GFRA2: variants seen among roughly 807,000 people sequenced by gnomAD.
GFRA2 encodes GDNF family receptor alpha-2.
Under a neutral mutation model 48.3 loss-of-function variants are expected in GFRA2, and 17 were observed. That is an observed-to-expected ratio of 0.35 (90% CI 0.24 to 0.53). The LOEUF (loss-of-function observed/expected upper bound fraction) is 0.53, where lower values mean the gene tolerates loss of function less well. GFRA2 is among the 20% of genes least tolerant of loss of function. The pLI, the probability that GFRA2 is intolerant of heterozygous loss-of-function variation, is 0.93. For synonymous variants in GFRA2, 305 were observed against 257.2 expected (o/e 1.19, Z -1.78); for missense variants, 660 against 637.3 (o/e 1.04, Z -0.38).
In GFRA2 at chr8:21,694,054, T is replaced by TA. The variant is rs1491316894; in HGVS notation, c.1272+409_1272+410insT. 1.6e-4 allele frequency among the ~76,000 whole-genome samples: 20 copies of TA among 126,908 alleles called. 1 individual carries two copies. Among genetic ancestry groups the TA allele is most frequent in the Non-Finnish European group, 2.4e-4 (15 of 61,958 alleles). The allele number at this position is 126,908 out of a possible 152,430, so 83.3% of individuals were successfully genotyped here. A position where few individuals can be genotyped will look rare whatever the true frequency, so the allele number is the denominator to read the frequency against. Reference sequence around the variant, plus strand: ...GTCATATATATGAGATATATATATATTTATATATATATTTATTTATTTTTA... The same window carrying TA: ...GTCATATATATGAGATATATATATATATTATATATATATTTATTTATTTTTA... On this transcript the variant is annotated intron_variant, in intron 8 of 8. Transcript: ENST00000524240.
Position 21,782,967 on chromosome 8 carries a change from C to G in GFRA2, c.41-68G>C, listed in dbSNP as rs916831790. The G allele has an allele frequency of 4.9e-6, 7 of 1,437,580 alleles. No homozygotes were observed. The South Asian group carries it at 8.5e-5, about 18-fold the overall frequency. The allele number at this position is 1,437,580 out of a possible 1,614,324, so 89.1% of individuals were successfully genotyped here. On this transcript the variant is annotated intron_variant, in intron 1 of 8. Transcript: ENST00000524240. ...ACAATCTCCCACCCAAGATGCAGGC[C>G]TGGGGGCTTGGGCCCTGCTGGGAAC...
chr8:21,782,500 C>A (rs1376127657), intron 2 of GFRA2, 85 bp downstream of exon 2: 3 of 1,039,740 alleles, frequency 2.9e-6, no homozygotes, highest in Non-Finnish European at 4.2e-6. Context: ...CCACCTAGTC[C>A]TCCCTCCTGA....
chr8:21,806,775 T>C (rs1188570353), intron 1 of GFRA2, among the ~76,000 whole-genome samples: 1 of 152,206 alleles, frequency 6.6e-6, no homozygotes, highest in Non-Finnish European at 1.5e-5. Flanking sequence ...CCTAAATGTA[T>C]TTTTGATTTA....
intron 4 of GFRA2, among the ~76,000 whole-genome samples, chr8:21,719,440 C>G (rs747483235): frequency 6.8e-6 from 1 of 146,312 alleles, no homozygotes; most frequent in Non-Finnish European, 1.5e-5. Context: ...TCTTATTACT[C>G]GGCAAGAGGA....
rs192647363 is a variant in GFRA2 at position 21,738,370 on chromosome 8, C to T, written c.794+12218G>A. 1.0e-3 allele frequency among the ~76,000 whole-genome samples: 156 copies of T among 151,558 alleles called. 2 individuals are homozygous for T. Among genetic ancestry groups the T allele is most frequent in the African/African-American group, 3.7e-3 (154 of 41,230 alleles). ...GCTGACCTCTGAAGGTCTCTGAGCA[C>T]GTACCGTCTGCCCTCTGCCCTCTGC... On this transcript the variant is annotated intron_variant, in intron 4 of 8. Transcript: ENST00000524240.
chr8:21,712,494 G>C (rs1175747536), intron 4 of GFRA2, among the ~76,000 whole-genome samples: 11 of 149,950 alleles, frequency 7.3e-5, no homozygotes, highest in Non-Finnish European at 1.0e-4. Flanking sequence ...GGGATGGCGG[G>C]CGGGCAGAGA....
intron 3 of GFRA2, among the ~76,000 whole-genome samples, chr8:21,756,649 G>A (rs892105625): frequency 1.3e-4 from 20 of 152,182 alleles, no homozygotes; most frequent in Non-Finnish European, 2.9e-5. Flanking sequence ...AGAAGAAGGT[G>A]GGGGATTCTA....
At chr8:21,747,673 T>C (rs1805072724) in intron 4 of GFRA2, among the ~76,000 whole-genome samples, 1 of 151,580 alleles carries the variant, frequency 6.6e-6, no homozygotes, top group South Asian at 2.1e-4. Flanking sequence ...CTGGCCCTGG[T>C]TCCTTCTGAA....
At chr8:21,799,844 C>T (rs1455131211) in intron 2 of GFRA2, among the ~76,000 whole-genome samples, 9 of 152,168 alleles carry the variant, frequency 5.9e-5, no homozygotes, top group Non-Finnish European at 1.3e-4. Flanking sequence ...AGCCTGTGTC[C>T]TCTGCAGACA....
At chr8:21,763,514 G>A (rs1006236444) in intron 3 of GFRA2, among the ~76,000 whole-genome samples, 11 of 152,126 alleles carry the variant, frequency 7.2e-5, no homozygotes, top group South Asian at 4.2e-4. Context: ...AACAGGGGCG[G>A]TCTGTCTGCA....
At chr8:21,700,251 T>C (rs1338976649) in intron 7 of GFRA2, among the ~76,000 whole-genome samples, 1 of 82,920 alleles carries the variant, frequency 1.2e-5, no homozygotes, top group Middle Eastern at 6.8e-3. Flanking sequence ...GGTATATATT[T>C]AATATACCAG....
chr8:21,765,902 C>T (rs546468378), intron 3 of GFRA2, among the ~76,000 whole-genome samples: 2 of 152,196 alleles, frequency 1.3e-5, no homozygotes, highest in Non-Finnish European at 2.9e-5. Context: ...AAATATATTC[C>T]CAGCCCATGC....
chr8:21,721,219 T>C (rs1803577035), intron 4 of GFRA2, among the ~76,000 whole-genome samples: 1 of 152,208 alleles, frequency 6.6e-6, no homozygotes, highest in African/African-American at 2.4e-5. Context: ...AGCACCAAGA[T>C]AGTTCAGCTC....
At chr8:21,802,847 A>C (rs2117115750) in intron 2 of GFRA2, among the ~76,000 whole-genome samples, 2 of 152,318 alleles carry the variant, frequency 1.3e-5, no homozygotes, top group Middle Eastern at 6.8e-3. Context: ...AGGAAATAAC[A>C]CTTGCTAAGC....
chr8:21,783,201 G>A (rs1490171154), intron 1 of GFRA2: 7 of 548,988 alleles, frequency 1.3e-5, no homozygotes, highest in African/African-American at 9.4e-5. Flanking sequence ...AGTCTAAGAC[G>A]TCAGGAGCCC....
Position 21,782,879 on chromosome 8 carries a change from C to T in GFRA2, c.61G>A (p.Ala21Thr). ...GGGCCCTGCAGGGAGGAAGGGCTGG[C>T]CAAAGAGCGGAGGGTCTCGTCTGGG... ...FFLDETLRSL[A>T]SPSSLQGPEL... is the part of the protein sequence containing the mutation. Residue 21 changes from alanine to threonine, a missense_variant, in exon 2 of 9, where the codon GCC becomes ACC. Physicochemically the swap from Ala to Thr is moderately conservative, Grantham distance 58 (BLOSUM62 0). Transcript: ENST00000524240. The T allele has an allele frequency of 6.4e-7, 1 of 1,561,396 alleles. No homozygotes were observed. The highest frequency in any genetic ancestry group is 8.6e-7 in the Non-Finnish European group (1 of 1,160,842).
chr8:21,800,882 C>T (rs959181241), intron 2 of GFRA2, among the ~76,000 whole-genome samples: 3 of 150,604 alleles, frequency 2.0e-5, no homozygotes, highest in African/African-American at 7.3e-5. Context: ...GCTATGAGTG[C>T]ACCCCTGCAC....
At chr8:21,809,622 C>T (rs913059584) in intron 1 of GFRA2, among the ~76,000 whole-genome samples, 3 of 152,160 alleles carry the variant, frequency 2.0e-5, no homozygotes, top group Admixed American at 6.5e-5. Flanking sequence ...CCACCGCGCC[C>T]GGCCAACAAT....
In GFRA2 at chr8:21,782,864, G is replaced by A; in HGVS notation, c.76C>T (p.Leu26=). ...TLRSLASPSS[L]QGPELHGWRP... is the part of the protein sequence containing the mutation. Reference sequence around the variant, plus strand: ...CAGCCGTGGAGCTCGGGGCCCTGCAGGGAGGAAGGGCTGGCCAAAGAGCGG... The same window carrying A: ...CAGCCGTGGAGCTCGGGGCCCTGCAAGGAGGAAGGGCTGGCCAAAGAGCGG... The change falls in exon 2 of 9, where the codon CTG becomes TTG. Residue 26 remains leucine, a synonymous_variant. Coordinates refer to ENST00000524240, the MANE Select transcript of GFRA2 (RefSeq NM_001495.5). The A allele has an allele frequency of 1.9e-6, 3 of 1,567,140 alleles. No individual in the cohort carries two copies. The highest frequency in any genetic ancestry group is 2.6e-6 in the Non-Finnish European group (3 of 1,163,840).
Sources: gnomAD v4.1 joint callset for allele counts (sites outside exome capture counted in the v4.1 genomes callset) on GRCh38, gnomAD v4.1.1 for gene constraint, MANE v1.5 for transcripts, NCBI Gene and HGNC (gene_info 2026-07-23, HGNC 2026-07-21) for gene names.